CYP2C18: variants seen among roughly 807,000 people sequenced by gnomAD.
CYP2C18 encodes cytochrome P450 family 2 subfamily C member 18, also known as cytochrome P450 2C18.
Under a neutral mutation model 41.3 loss-of-function variants are expected in CYP2C18, and 38 were observed. The ratio of observed to expected loss-of-function variants is 0.92; its 90% CI spans 0.71 to 1.21. The LOEUF (loss-of-function observed/expected upper bound fraction) is 1.21. Ranked by LOEUF, CYP2C18 falls within the 50% of genes most tolerant of loss-of-function variation. The probability of loss-of-function intolerance (pLI) is 0.00; values close to 1 mark genes in which losing one functional copy is unlikely to be tolerated. For missense variants in CYP2C18, 635 were observed against 591.4 expected, an observed-to-expected ratio of 1.07 and a Z score of -0.77; for synonymous variants, 236 against 210.0, an observed-to-expected ratio of 1.12 and a Z score of -1.07.
intron 6 of CYP2C18, among the ~76,000 whole-genome samples, chr10:94,721,931 A>C (rs981331528): frequency 1.3e-5 from 2 of 152,100 alleles, no homozygotes; most frequent in Admixed American, 1.3e-4. Flanking sequence ...GGTTGATTTT[A>C]TGAATTTGCC....
chr10:94,712,729 T>C (rs1847461207), intron 5 of CYP2C18, among the ~76,000 whole-genome samples: 1 of 152,120 alleles, frequency 6.6e-6, no homozygotes, highest in Admixed American at 6.6e-5. Flanking sequence ...CTGGATCATG[T>C]TGTAATTCTA....
chr10:94,728,608 C>A, intron 7 of CYP2C18: 1 of 973,552 alleles, frequency 1.0e-6, no homozygotes. Context: ...CTAAAAGAAA[C>A]ATATAGCATT....
At chr10:94,703,355 G>A (rs996826996) in intron 4 of CYP2C18, among the ~76,000 whole-genome samples, 2 of 152,206 alleles carry the variant, frequency 1.3e-5, no homozygotes, top group Non-Finnish European at 2.9e-5. Flanking sequence ...TCCTCCAGGT[G>A]CTCTGTCCTA....
chr10:94,733,697 C>T (rs1264304802), intron 8 of CYP2C18: 2 of 606,092 alleles, frequency 3.3e-6, no homozygotes, highest in Non-Finnish European at 4.1e-6. Flanking sequence ...CCTCTAGATA[C>T]ATCACTGAGC....
chr10:94,697,639 T>A (rs892016405), intron 4 of CYP2C18, among the ~76,000 whole-genome samples: 1 of 152,090 alleles, frequency 6.6e-6, no homozygotes, highest in African/African-American at 2.4e-5. Flanking sequence ...AATATTAACC[T>A]TAAATGTAAA....
intron 4 of CYP2C18, among the ~76,000 whole-genome samples, chr10:94,704,798 G>C (rs1174516215): frequency 6.6e-6 from 1 of 152,106 alleles, no homozygotes; most frequent in Non-Finnish European, 1.5e-5. Context: ...CTGTCTCCCA[G>C]CTTTTATTCT....
intron 4 of CYP2C18, among the ~76,000 whole-genome samples, chr10:94,705,075 A>C (rs1357263741): frequency 9.9e-5 from 15 of 152,190 alleles, no homozygotes; most frequent in Admixed American, 9.8e-4. Context: ...CACTGCGAGC[A>C]GGGCTGCCCT....
At chr10:94,735,242 C>T (rs560922711) in intron 8 of CYP2C18, 21 bp from the exon 9 acceptor site, 3 of 1,611,878 alleles carry the variant, frequency 1.9e-6, no homozygotes, top group African/African-American at 2.7e-5. Context: ...GGAACAAATC[C>T]CCTATGTCTC....
chr10:94,729,780 G>A (rs1847798799), intron 7 of CYP2C18, among the ~76,000 whole-genome samples: 1 of 152,080 alleles, frequency 6.6e-6, no homozygotes, highest in African/African-American at 2.4e-5. Flanking sequence ...GGAAAAATGA[G>A]GGAGGACTTT....
chr10:94,734,335 G>T (rs1847883480), intron 8 of CYP2C18, among the ~76,000 whole-genome samples: 1 of 152,098 alleles, frequency 6.6e-6, no homozygotes, highest in African/African-American at 2.4e-5. Context: ...TCTGGCTTTT[G>T]ATCCCTGCTT....
At chr10:94,729,249 G>A (rs963964561) in intron 7 of CYP2C18, among the ~76,000 whole-genome samples, 5 of 152,176 alleles carry the variant, frequency 3.3e-5, no homozygotes, top group Admixed American at 6.5e-5. Context: ...TTTAAGTTCC[G>A]AATACCACAT....
chr10:94,733,151 C>G, intron 7 of CYP2C18, 146 bp from the exon 8 acceptor site: 1 of 714,306 alleles, frequency 1.4e-6, no homozygotes, highest in Non-Finnish European at 2.3e-6. Flanking sequence ...CTGCTTCTTA[C>G]TAGGTCTGTC....
chr10:94,686,154 A>T (rs1316926513), intron 1 of CYP2C18, among the ~76,000 whole-genome samples: 1 of 152,106 alleles, frequency 6.6e-6, no homozygotes, highest in African/African-American at 2.4e-5. Context: ...TGATGCTACT[A>T]TAAATTAATT....
In CYP2C18 at chr10:94,735,581, C is replaced by G; in HGVS notation, c.*137C>G. On this transcript the variant is annotated 3_prime_UTR_variant, in exon 9 of 9. Transcript: ENST00000285979. ...CCACATCTTCCCATTCCCTCAAGATCCAATGAACATCCAACCTCCATTAAA... is the reference window on the plus strand; with the variant it reads ...CCACATCTTCCCATTCCCTCAAGATGCAATGAACATCCAACCTCCATTAAA... 1.2e-6 allele frequency: 1 copy of G among 829,202 alleles called. No homozygotes were observed. Among genetic ancestry groups the G allele is most frequent in the Non-Finnish European group, 1.9e-6 (1 of 518,152 alleles). 51.4% of individuals were successfully genotyped at this position (829,202 alleles called of 1,614,324 possible).
In CYP2C18 at chr10:94,720,559, G is replaced by A. The variant is rs1455767443; in HGVS notation, c.961+22G>A. 13 of 1,602,784 alleles carry A rather than the reference G, an allele frequency of 8.1e-6. No individual in the cohort carries two copies. The Admixed American group carries it at 1.5e-4, about 19-fold the overall frequency. On this transcript the variant is annotated intron_variant, in intron 6 of 8. Transcript: ENST00000285979. Reference sequence around the variant, plus strand: ...ACAGGTATGATGATACCATAGGTGAGCAGGGTGATTTTCAGAAAAGATGTT... The same window carrying A: ...ACAGGTATGATGATACCATAGGTGAACAGGGTGATTTTCAGAAAAGATGTT...
chr10:94,707,632 T>C (rs918735079), intron 5 of CYP2C18, among the ~76,000 whole-genome samples: 1 of 152,166 alleles, frequency 6.6e-6, no homozygotes. Context: ...TAGAAGGATA[T>C]GTACAATGAG....
chr10:94,720,552 T>C lies in CYP2C18; in HGVS notation c.961+15T>C, dbSNP rs1240272852. 1 of 1,608,110 alleles carries C rather than the reference T, an allele frequency of 6.2e-7. No individual in the cohort carries two copies. Among genetic ancestry groups the C allele is most frequent in the South Asian group, 1.1e-5 (1 of 89,838 alleles). ...AGAGGTCACAGGTATGATGATACCATAGGTGAGCAGGGTGATTTTCAGAAA... is the reference window on the plus strand; with the variant it reads ...AGAGGTCACAGGTATGATGATACCACAGGTGAGCAGGGTGATTTTCAGAAA... On this transcript the variant is annotated intron_variant, in intron 6 of 8. Coordinates refer to ENST00000285979, the MANE Select transcript of CYP2C18 (RefSeq NM_000772.3).
intron 3 of CYP2C18, among the ~76,000 whole-genome samples, chr10:94,688,696 T>C (rs572877567): frequency 1.3e-5 from 2 of 152,310 alleles, no homozygotes; most frequent in South Asian, 4.1e-4. Context: ...ACGCTGTGAG[T>C]ATAAAAGGCT....
chr10:94,710,461 A>G (rs903661243), intron 5 of CYP2C18, among the ~76,000 whole-genome samples: 4 of 152,354 alleles, frequency 2.6e-5, no homozygotes, highest in South Asian at 2.1e-4. Context: ...CTGTAGATCA[A>G]TTTGGGAAGT....
Sources: gnomAD v4.1 joint callset for allele counts (sites outside exome capture counted in the v4.1 genomes callset) on GRCh38, gnomAD v4.1.1 for gene constraint, MANE v1.5 for transcripts, NCBI Gene and HGNC (gene_info 2026-07-23, HGNC 2026-07-21) for gene names.